Variants in C14orf132 observed in about 807,000 individuals in gnomAD.
C14orf132 encodes uncharacterized protein C14orf132.
Under a neutral mutation model 5.8 loss-of-function variants are expected in C14orf132, and 6 were observed. That is an observed-to-expected ratio of 1.03 (90% CI 0.57 to 2.04). The LOEUF (loss-of-function observed/expected upper bound fraction) is 2.04, where lower values mean the gene tolerates loss of function less well. C14orf132 is among the 30% of genes most tolerant of loss of function. The pLI is 0.00. For synonymous variants in C14orf132, 51 were observed against 49.8 expected (o/e 1.02, Z -0.10); for missense variants, 125 against 115.8 (o/e 1.08, Z -0.37).
intron 1 of C14orf132, among the ~76,000 whole-genome samples, chr14:96,055,427 GA>G (rs1420296113): frequency 5.3e-5 from 8 of 152,268 alleles, no homozygotes; most frequent in Non-Finnish European, 1.0e-4. Flanking sequence ...CCCACATCTT[GA>G]AAAGATAGTC....
rs570929349 is a variant in C14orf132 at position 96,072,888 on chromosome 14, T to A, written c.28-13623T>A. On this transcript the variant is annotated intron_variant, in intron 1 of 1. Transcript: ENST00000555004. ...AGTTTGCCCATTTACCAGTTGAAAG[T>A]CATTCGCGTTGTTTCCAGTGTAGGG... Among the ~76,000 whole-genome samples the A allele has an allele frequency of 5.3e-5, 8 of 152,362 alleles. No individual in the cohort carries two copies. The East Asian group carries it at 1.5e-3, about 29-fold the overall frequency.
chr14:96,070,596 T>TCTCACACACA (rs755530241), intron 1 of C14orf132, among the ~76,000 whole-genome samples: 388 of 142,654 alleles, frequency 2.7e-3, no homozygotes, highest in South Asian at 8.3e-3. Context: ...TCTCTCTCTC[T>TCTCACACACA]CACACACACA....
intron 1 of C14orf132, among the ~76,000 whole-genome samples, chr14:96,055,370 C>T (rs182594647): frequency 1.3e-5 from 2 of 152,288 alleles, no homozygotes; most frequent in African/African-American, 4.8e-5. Context: ...CAGATGTGCC[C>T]TCTGCCCCAG....
At chr14:96,073,667 G>A (rs1367380730) in intron 1 of C14orf132, among the ~76,000 whole-genome samples, 1 of 152,086 alleles carries the variant, frequency 6.6e-6, no homozygotes, top group Non-Finnish European at 1.5e-5. Flanking sequence ...ATTTGACCCA[G>A]CAATCCCATT....
rs773340085 is a variant in C14orf132, at chr14:96,090,581, G to A, written c.*3846G>A. On this transcript the variant is annotated 3_prime_UTR_variant, in exon 2 of 2. Coordinates refer to ENST00000555004, the MANE Select transcript of C14orf132 (RefSeq NM_001252507.3). ...GCTCTTCCTACTCCAAGCCAATGCT[G>A]TCCTTCCCCTTTCCCATGAAATCAA... is the stretch of plus-strand genomic sequence containing the variant. 6 of 455,812 alleles carry A rather than the reference G, an allele frequency of 1.3e-5. No homozygotes were observed. The highest frequency in any genetic ancestry group is 9.3e-5 in the South Asian group (6 of 64,554). The allele number at this position is 455,812 out of a possible 1,614,324, so 28.2% of individuals were successfully genotyped here. A position where few individuals can be genotyped will look rare whatever the true frequency, so the allele number is the denominator to read the frequency against.
intron 1 of C14orf132, among the ~76,000 whole-genome samples, chr14:96,046,402 C>A (rs771614200): frequency 4.7e-5 from 7 of 149,370 alleles, no homozygotes; most frequent in Non-Finnish European, 1.0e-4. Context: ...CTTGGCAAAA[C>A]CTTAAAATAC....
At position 96,039,744 on chromosome 14, in the gene C14orf132, G is replaced by A. The variant is rs546967279; in HGVS notation, c.27+217G>A. ...GGCGGGCTGCGCGCCCCGCACCCCCGCGGCTCGAGCTGTTCCCGCCCGGGC... is the reference window on the plus strand; with the variant it reads ...GGCGGGCTGCGCGCCCCGCACCCCCACGGCTCGAGCTGTTCCCGCCCGGGC... On this transcript the variant is annotated intron_variant, in intron 1 of 1. Coordinates refer to ENST00000555004, the MANE Select transcript of C14orf132 (RefSeq NM_001252507.3). The surrounding 1 kb of genome is among the most constrained non-coding windows in gnomAD (Gnocchi z 5.3). Among the ~76,000 whole-genome samples the A allele has an allele frequency of 8.6e-3, 1,303 of 152,198 alleles. 7 individuals carry two copies. The highest frequency in any genetic ancestry group is 0.021 in the Middle Eastern group (6 of 292).
At chr14:96,073,858 T>C (rs1887782754) in intron 1 of C14orf132, among the ~76,000 whole-genome samples, 1 of 152,130 alleles carries the variant, frequency 6.6e-6, no homozygotes, top group Non-Finnish European at 1.5e-5. Flanking sequence ...TACACAGCCA[T>C]AAAAAGGAAT....
rs897236290 is a variant in C14orf132, at chr14:96,088,256, C to T, written c.*1521C>T. The T allele has an allele frequency of 2.0e-5, 3 of 152,178 alleles. No individual in the cohort carries two copies. The highest frequency in any genetic ancestry group is 2.9e-5 in the Non-Finnish European group (2 of 68,036). The allele number at this position is 152,178 out of a possible 1,614,324, so 9.4% of individuals were successfully genotyped here. On this transcript the variant is annotated 3_prime_UTR_variant, in exon 2 of 2. Transcript: ENST00000555004. ...ATCTTAGTTGTCCAGAAGCGGCACTCTTCCCTGGAAGCCGCCATGTTAATA... is the reference window on the plus strand; with the variant it reads ...ATCTTAGTTGTCCAGAAGCGGCACTTTTCCCTGGAAGCCGCCATGTTAATA...
At position 96,086,539 on chromosome 14, in the gene C14orf132, A is replaced by G. The variant is rs1888192358; in HGVS notation, c.56A>G (p.Asp19Gly). 3.9e-6 allele frequency: 6 copies of G among 1,535,732 alleles called. No individual in the cohort carries two copies. The highest frequency in any genetic ancestry group is 1.4e-5 in the African/African-American group (1 of 72,984). Residue 19 changes from aspartate (D) to glycine (G), a missense_variant, in exon 2 of 2, where the codon GAC (aspartate) becomes GGC (glycine). By Grantham distance (94) the Asp-to-Gly change is moderately conservative (BLOSUM62 -1). Transcript: ENST00000555004. ...QLPMMGGAFM[D>G]SPNEDFSTEY... Reference sequence around the variant, plus strand: ...CCCATGATGGGGGGAGCTTTCATGGACTCGCCCAACGAGGACTTCAGCACC... The same window carrying G: ...CCCATGATGGGGGGAGCTTTCATGGGCTCGCCCAACGAGGACTTCAGCACC...
chr14:96,071,911 A>G (rs1358752545), intron 1 of C14orf132, among the ~76,000 whole-genome samples: 1 of 152,216 alleles, frequency 6.6e-6, no homozygotes, highest in East Asian at 1.9e-4. Flanking sequence ...CTTGAGCTTC[A>G]GCACAGTTCT....
intron 1 of C14orf132, among the ~76,000 whole-genome samples, chr14:96,061,107 C>T (rs1887342766): frequency 6.6e-6 from 1 of 151,830 alleles, no homozygotes; most frequent in African/African-American, 2.4e-5. Context: ...TTCCCTGGTG[C>T]TGGGCTCTGT....
chr14:96,073,402 G>T (rs941244045), intron 1 of C14orf132, among the ~76,000 whole-genome samples: 12 of 152,134 alleles, frequency 7.9e-5, no homozygotes, highest in African/African-American at 2.9e-4. Context: ...CTCAAAAGAA[G>T]ACATTCATGT....
At chr14:96,053,514 C>CA (rs894894193) in intron 1 of C14orf132, among the ~76,000 whole-genome samples, 2 of 152,240 alleles carry the variant, frequency 1.3e-5, no homozygotes, top group African/African-American at 4.8e-5. Flanking sequence ...AGAGCCTGGG[C>CA]AGACCCCTGG....
At chr14:96,066,298 G>A (rs1256297021) in intron 1 of C14orf132, among the ~76,000 whole-genome samples, 1 of 152,156 alleles carries the variant, frequency 6.6e-6, no homozygotes, top group Non-Finnish European at 1.5e-5. Context: ...CAGGGCAAGT[G>A]CTTCTTCCAT....
At chr14:96,049,582 A>G (rs554669909) in intron 1 of C14orf132, among the ~76,000 whole-genome samples, 2 of 121,928 alleles carry the variant, frequency 1.6e-5, no homozygotes, top group East Asian at 2.3e-4. Flanking sequence ...ATATATACGT[A>G]TATATATACA....
At chr14:96,074,509 G>C (rs928792748) in intron 1 of C14orf132, among the ~76,000 whole-genome samples, 2 of 150,122 alleles carry the variant, frequency 1.3e-5, no homozygotes, top group Admixed American at 1.3e-4. Flanking sequence ...ATTTCATTTA[G>C]GTCTAAGATC....
At chr14:96,050,457 C>T (rs1429825465) in intron 1 of C14orf132, among the ~76,000 whole-genome samples, 3 of 152,126 alleles carry the variant, frequency 2.0e-5, no homozygotes, top group Non-Finnish European at 4.4e-5. Flanking sequence ...ATATGGGTTC[C>T]AGGCACTATT....
chr14:96,063,225 G>T (rs948330231), intron 1 of C14orf132, among the ~76,000 whole-genome samples: 1 of 152,136 alleles, frequency 6.6e-6, no homozygotes, highest in African/African-American at 2.4e-5. Flanking sequence ...GGAACAGAGG[G>T]TGAATAGGAT....
Sources: gnomAD v4.1 joint callset for allele counts (sites outside exome capture counted in the v4.1 genomes callset) on GRCh38, gnomAD v4.1.1 for gene constraint, Gnocchi (gnomAD v3.1) non-coding constraint, MANE v1.5 for transcripts, NCBI Gene and HGNC (gene_info 2026-07-23, HGNC 2026-07-21) for gene names.